ACSM3: variants seen among roughly 807,000 people sequenced by gnomAD.
ACSM3 encodes the protein acyl-coenzyme A synthetase ACSM3, mitochondrial.
A neutral mutation model predicts 74.1 loss-of-function variants in ACSM3; 61 were observed. That is an observed-to-expected ratio of 0.82 (90% CI 0.67 to 1.02). The LOEUF is 1.02. Ranked by LOEUF, ACSM3 falls within the 50% of genes least tolerant of loss-of-function variation. ACSM3 has a pLI of 0.00. For synonymous variants in ACSM3, 213 were observed against 241.5 expected, an observed-to-expected ratio of 0.88 and a Z score of 1.09; for missense variants, 660 against 697.0, an observed-to-expected ratio of 0.95 and a Z score of 0.60.
In ACSM3 at chr16:20,685,133, C is replaced by G. The variant is rs2079523338; in HGVS notation, c.-190+10311C>G. ...GCTGGGTGCACAGCACCTAATATCTCAGGACCCATTGGTTCTAGAACAGCC... is the reference window on the plus strand; with the variant it reads ...GCTGGGTGCACAGCACCTAATATCTGAGGACCCATTGGTTCTAGAACAGCC... On this transcript the variant is annotated intron_variant, in intron 1 of 3. Transcript: ENST00000561584. The G allele has an allele frequency of 2.5e-6, 4 of 1,574,532 alleles. No individual in the cohort carries two copies. The South Asian group carries it at 4.4e-5, about 17-fold the overall frequency.
chr16:20,743,275 C>T (rs2079944069), intron 1 of ACSM3, among the ~76,000 whole-genome samples: 1 of 152,060 alleles, frequency 6.6e-6, no homozygotes, highest in Non-Finnish European at 1.5e-5. Context: ...GCATTTCCCA[C>T]ATAGAACAGT....
intron 1 of ACSM3, among the ~76,000 whole-genome samples, chr16:20,731,371 ATG>A (rs781680018): frequency 2.0e-5 from 3 of 152,206 alleles, no homozygotes; most frequent in Non-Finnish European, 4.4e-5. Context: ...TGTTAAATAC[ATG>A]TGTGACCTGT....
intron 1 of ACSM3, among the ~76,000 whole-genome samples, chr16:20,714,946 A>G (rs1223703924): frequency 1.3e-5 from 2 of 152,212 alleles, no homozygotes; most frequent in African/African-American, 4.8e-5. Flanking sequence ...TGTCACTCAC[A>G]GATTGTGATG....
chr16:20,683,300 T>C (rs2079483945), intron 1 of ACSM3, among the ~76,000 whole-genome samples: 1 of 151,846 alleles, frequency 6.6e-6, no homozygotes, highest in Admixed American at 6.6e-5. Context: ...ATTATTATTA[T>C]TATTTTTAGT....
intron 1 of ACSM3, chr16:20,737,963 A>G (rs1384832154): frequency 7.1e-6 from 9 of 1,259,630 alleles, no homozygotes; most frequent in Non-Finnish European, 9.7e-6. Context: ...GGCTCTTAAG[A>G]AAAAAAAAAA....
At chr16:20,785,875 T>C (rs940395774) in intron 8 of ACSM3, among the ~76,000 whole-genome samples, 1 of 152,222 alleles carries the variant, frequency 6.6e-6, no homozygotes, top group Non-Finnish European at 1.5e-5. Flanking sequence ...AATATGGATA[T>C]ATGAGTAATT....
intron 2 of ACSM3, 64 bp downstream of exon 2, chr16:20,770,317 C>A: frequency 7.4e-7 from 1 of 1,356,236 alleles, no homozygotes; most frequent in Non-Finnish European, 1.0e-6. Context: ...CCCTAGGTAA[C>A]ATCTCTAATG....
At chr16:20,750,404 T>C (rs948494285) in intron 2 of ACSM3, among the ~76,000 whole-genome samples, 1 of 152,200 alleles carries the variant, frequency 6.6e-6, no homozygotes, top group African/African-American at 2.4e-5. Flanking sequence ...GCAGAAGTGA[T>C]ACATGCTACT....
intron 2 of ACSM3, among the ~76,000 whole-genome samples, chr16:20,773,201 T>C (rs2152458007): frequency 1.3e-5 from 2 of 152,314 alleles, no homozygotes; most frequent in South Asian, 4.1e-4. Flanking sequence ...TTTGTATTTC[T>C]GTGGTACAGT....
intron 1 of ACSM3, chr16:20,679,766 G>T (rs1169312429): frequency 1.3e-5 from 2 of 152,210 alleles, no homozygotes; most frequent in Admixed American, 1.3e-4. Context: ...TATTCGGTCT[G>T]TGACCCAGGA....
chr16:20,790,721 T>G lies in ACSM3; in HGVS notation c.1326+33T>G, dbSNP rs773264635. 8 of 1,614,046 alleles carry G rather than the reference T, an allele frequency of 5.0e-6. No homozygotes were observed. Among genetic ancestry groups the G allele is most frequent in the Non-Finnish European group, 6.8e-6 (8 of 1,179,936 alleles). ...ACTTACTAAATAATCTCATTTTCTA[T>G]TTATTTCTCAAGTGCTTGGTAACAA... On this transcript the variant is annotated intron_variant, in intron 10 of 13. Transcript: ENST00000289416. The surrounding 1 kb of genome is among the most constrained non-coding windows in gnomAD (Gnocchi z 4.0).
At chr16:20,691,464 G>T (rs76299783) in intron 1 of ACSM3, among the ~76,000 whole-genome samples, 1 of 152,234 alleles carries the variant, frequency 6.6e-6, no homozygotes, top group East Asian at 1.9e-4. Context: ...TTTGGTGCGC[G>T]TTCCTAGGGG....
chr16:20,782,914 T>C (rs1947237772), intron 7 of ACSM3, among the ~76,000 whole-genome samples: 1 of 152,206 alleles, frequency 6.6e-6, no homozygotes, highest in Admixed American at 6.5e-5. Flanking sequence ...GCAGCTTCTA[T>C]CCCTGTGGAG....
rs2079602859 is a variant in ACSM3, at chr16:20,688,927, A to G, written c.-190+14105A>G. Among the ~76,000 whole-genome samples, 4 of 150,042 alleles carry G rather than the reference A, an allele frequency of 2.7e-5. 1 individual carries two copies. The South Asian group carries it at 8.4e-4, about 31-fold the overall frequency. On this transcript the variant is annotated intron_variant, in intron 1 of 3. Transcript: ENST00000561584. ...TTGTTATTTGTTACAGTATTTAAAAAACAAATCATAAAAATAATTATAAAT... is the reference window on the plus strand; with the variant it reads ...TTGTTATTTGTTACAGTATTTAAAAGACAAATCATAAAAATAATTATAAAT...
chr16:20,737,827 T>C lies in ACSM3; in HGVS notation c.-189-12083T>C, dbSNP rs1243741884. 1.9e-6 allele frequency: 3 copies of C among 1,613,984 alleles called. No homozygotes were observed. The South Asian group carries it at 3.3e-5, about 18-fold the overall frequency. ...CCAGGGTTCCAAAAATGTTTCTGCA[T>C]ATTTTTTCATATCTTCTAAAAAAGC... On this transcript the variant is annotated intron_variant, in intron 1 of 3. Transcript: ENST00000561584.
chr16:20,787,599 A>G (rs138204743), intron 9 of ACSM3, among the ~76,000 whole-genome samples: 2 of 152,322 alleles, frequency 1.3e-5, no homozygotes, highest in African/African-American at 4.8e-5. Context: ...AGTTTTTAGG[A>G]TCAAATAAGT....
intron 1 of ACSM3, chr16:20,741,770 G>C (rs760453564): frequency 6.4e-7 from 1 of 1,552,552 alleles, no homozygotes; most frequent in Non-Finnish European, 8.7e-7. Context: ...AAAGAGAAAC[G>C]TTTCTCCGCT....
At chr16:20,720,483 T>G (rs1596484812) in intron 1 of ACSM3, among the ~76,000 whole-genome samples, 1 of 152,194 alleles carries the variant, frequency 6.6e-6, no homozygotes, top group East Asian at 1.9e-4. Flanking sequence ...ATGCAAGTGA[T>G]GGAGAGTGGC....
chr16:20,711,597 A>T lies in ACSM3; in HGVS notation c.-190+36775A>T, dbSNP rs963932838. The T allele has an allele frequency of 3.4e-5, 43 of 1,263,184 alleles. No homozygotes were observed. The Admixed American group carries it at 6.9e-4, about 20-fold the overall frequency. The allele number at this position is 1,263,184 out of a possible 1,614,324, so 78.2% of individuals were successfully genotyped here. A position where few individuals can be genotyped will look rare whatever the true frequency, so the allele number is the denominator to read the frequency against. On this transcript the variant is annotated intron_variant, in intron 1 of 3. Transcript: ENST00000561584. ...TGGTCCCAGTAGTGGAGTCCATTGCACTGGAGTGTCCTGACTTTAAGACCA... is the reference window on the plus strand; with the variant it reads ...TGGTCCCAGTAGTGGAGTCCATTGCTCTGGAGTGTCCTGACTTTAAGACCA...
Sources: allele counts gnomAD v4.1 joint callset (sites outside exome capture counted in the v4.1 genomes callset), GRCh38; gene constraint gnomAD v4.1.1; non-coding constraint Gnocchi (gnomAD v3.1); transcripts MANE v1.5; gene names NCBI Gene and HGNC (gene_info 2026-07-23, HGNC 2026-07-21).